The following TMEM123 variants were observed in gnomAD, a reference collection of about 807,000 sequenced individuals.
TMEM123 encodes the protein transmembrane protein 123.
TMEM123 carries 16 observed loss-of-function variants against 19.7 expected under a neutral mutation model. The ratio of observed to expected loss-of-function variants is 0.81; its 90% confidence interval spans 0.55 to 1.23. The LOEUF (loss-of-function observed/expected upper bound fraction) is 1.23. Among genes scored for constraint, TMEM123 ranks in the 50% most tolerant of loss-of-function variants. The pLI is 0.00. For synonymous variants in TMEM123, 118 were observed against 99.4 expected (o/e 1.19, Z -1.12); for missense variants, 313 against 257.8 (o/e 1.21, Z -1.47).
chr11:102,400,412 T>C (rs1951901785), intron 4 of TMEM123, among the ~76,000 whole-genome samples: 1 of 152,260 alleles, frequency 6.6e-6, no homozygotes. Context: ...TAAACTGTCT[T>C]AGTTTACTTT....
chr11:102,415,630 AAAC>A (rs1391797700), intron 2 of TMEM123, among the ~76,000 whole-genome samples: 1 of 152,236 alleles, frequency 6.6e-6, no homozygotes, highest in East Asian at 1.9e-4. Flanking sequence ...AAACTAATGA[AAAC>A]AAAGCCACAA....
chr11:102,432,484 T>A (rs1857721855), intron 2 of TMEM123, among the ~76,000 whole-genome samples: 1 of 152,208 alleles, frequency 6.6e-6, no homozygotes, highest in Non-Finnish European at 1.5e-5. Context: ...AGACACGATT[T>A]AGGGTACCTG....
At chr11:102,449,097 CACTT>C (rs1207416565) in intron 1 of TMEM123, 10 of 460,586 alleles carry the variant, frequency 2.2e-5, no homozygotes, top group Non-Finnish European at 4.0e-5. Flanking sequence ...ACATAACAAA[CACTT>C]ACATAGTACT....
At chr11:102,412,093 C>T (rs192767924) in intron 2 of TMEM123, among the ~76,000 whole-genome samples, 4 of 152,304 alleles carry the variant, frequency 2.6e-5, no homozygotes, top group Admixed American at 2.0e-4. Context: ...AAATTCTACT[C>T]ATGTTCAAGA....
At chr11:102,419,098 C>T (rs1407257570) in intron 2 of TMEM123, among the ~76,000 whole-genome samples, 1 of 151,998 alleles carries the variant, frequency 6.6e-6, no homozygotes, top group Non-Finnish European at 1.5e-5. Flanking sequence ...AATCTGTACA[C>T]CAAACCCGTC....
At chr11:102,444,155 C>T (rs1857857562) in intron 2 of TMEM123, among the ~76,000 whole-genome samples, 1 of 152,094 alleles carries the variant, frequency 6.6e-6, no homozygotes. Context: ...CTCAAGGATC[C>T]AGAACTAGAA....
intron 2 of TMEM123, among the ~76,000 whole-genome samples, chr11:102,446,535 A>C (rs763372990): frequency 3.9e-5 from 6 of 152,258 alleles, no homozygotes; most frequent in Non-Finnish European, 8.8e-5. Context: ...AAATGTATAT[A>C]TTAGTGTTTT....
At chr11:102,423,182 T>C (rs1952100278) in intron 2 of TMEM123, among the ~76,000 whole-genome samples, 1 of 152,156 alleles carries the variant, frequency 6.6e-6, no homozygotes, top group African/African-American at 2.4e-5. Context: ...AGTGCAAACA[T>C]GCAAATGAAT....
At chr11:102,415,809 A>T (rs1240649243) in intron 2 of TMEM123, among the ~76,000 whole-genome samples, 1 of 152,216 alleles carries the variant, frequency 6.6e-6, no homozygotes, top group Non-Finnish European at 1.5e-5. Context: ...AGCAGAAGAA[A>T]AGAAATAACC....
chr11:102,407,834 GAC>G (rs1951969275), intron 2 of TMEM123, among the ~76,000 whole-genome samples: 1 of 152,178 alleles, frequency 6.6e-6, no homozygotes, highest in African/African-American at 2.4e-5. Flanking sequence ...CGAACTGTGA[GAC>G]AATCAATTTC....
intron 2 of TMEM123, among the ~76,000 whole-genome samples, chr11:102,444,961 C>A (rs1857867086): frequency 1.3e-5 from 2 of 150,426 alleles, no homozygotes; most frequent in Admixed American, 1.3e-4. Flanking sequence ...TAGGTGAGAA[C>A]TGAACAAAGA....
chr11:102,436,409 C>A (rs985929271), intron 2 of TMEM123, among the ~76,000 whole-genome samples: 1 of 151,926 alleles, frequency 6.6e-6, no homozygotes, highest in African/African-American at 2.4e-5. Flanking sequence ...GTGATCCGCC[C>A]GCCTCAGCCT....
chr11:102,419,871 C>A (rs2186991), intron 2 of TMEM123, among the ~76,000 whole-genome samples: 72,103 of 151,600 alleles, frequency 0.48, 18,338 homozygotes, highest in East Asian at 0.73. Flanking sequence ...CTTGGAATGG[C>A]TTTTATGGAT....
Position 102,426,998 on chromosome 11 carries a change from T to C in TMEM123, c.157+21814A>G, listed in dbSNP as rs577166900. 2.0e-5 allele frequency among the ~76,000 whole-genome samples: 3 copies of C among 151,758 alleles called. No homozygotes were observed. In the East Asian group the frequency reaches 5.8e-4, roughly 29 times the overall value. On this transcript the variant is annotated intron_variant, in intron 2 of 4. Transcript: ENST00000398136. ...CCAAACCAAATTGAAGTTTTCTAACTATAAATGTATTACTGTCTATTACAG... is the reference window on the plus strand; with the variant it reads ...CCAAACCAAATTGAAGTTTTCTAACCATAAATGTATTACTGTCTATTACAG...
At chr11:102,434,836 TAAAG>T (rs1857746269) in intron 2 of TMEM123, among the ~76,000 whole-genome samples, 1 of 151,912 alleles carries the variant, frequency 6.6e-6, no homozygotes, top group Non-Finnish European at 1.5e-5. Flanking sequence ...CATAATTCAT[TAAAG>T]AGACTATCCT....
At chr11:102,426,451 CT>C (rs140836722) in intron 2 of TMEM123, among the ~76,000 whole-genome samples, 9,757 of 142,928 alleles carry the variant, frequency 0.068, 309 homozygotes, top group Non-Finnish European at 0.08. Context: ...TATTTATTAT[CT>C]TTTTTTTTTT....
At position 102,398,013 on chromosome 11, in the gene TMEM123, T is replaced by A. The variant is rs1951876218; in HGVS notation, c.*854A>T. 2 of 152,174 alleles carry A rather than the reference T, an allele frequency of 1.3e-5. No homozygotes were observed. The highest frequency in any genetic ancestry group is 1.3e-4 in the Admixed American group (2 of 15,278). The allele number at this position is 152,174 out of a possible 1,614,324, so 9.4% of individuals were successfully genotyped here. On this transcript the variant is annotated 3_prime_UTR_variant, in exon 5 of 5. Transcript: ENST00000398136. ...AATATAAAATTAAAATTAAATGAAC[T>A]AAAGTAACTTCCAGTGGTGACAATA... is the stretch of plus-strand genomic sequence containing the variant.
chr11:102,426,378 G>A (rs893593755), intron 2 of TMEM123, among the ~76,000 whole-genome samples: 8 of 151,952 alleles, frequency 5.3e-5, no homozygotes, highest in Non-Finnish European at 1.0e-4. Flanking sequence ...TTAGGAAGCA[G>A]TAATAGAAGG....
At chr11:102,444,599 T>G (rs1005143821) in intron 2 of TMEM123, among the ~76,000 whole-genome samples, 4 of 151,794 alleles carry the variant, frequency 2.6e-5, no homozygotes, top group African/African-American at 7.3e-5. Context: ...AATGACGAGT[T>G]GACGGGTGCA....
Sources: allele counts gnomAD v4.1 joint callset (sites outside exome capture counted in the v4.1 genomes callset), GRCh38; gene constraint gnomAD v4.1.1; transcripts MANE v1.5; gene names NCBI Gene and HGNC (gene_info 2026-07-23, HGNC 2026-07-21).